MEOX2: variants seen among roughly 807,000 people sequenced by gnomAD.
The protein encoded by MEOX2 is mesenchyme homeobox 2.
In MEOX2, 11 loss-of-function variants were observed where a neutral mutation model predicts 27.0. The observed-to-expected ratio is 0.41, with a 90% CI of 0.26 to 0.68. MEOX2 has a LOEUF of 0.68. MEOX2 is among the 30% of genes least tolerant of loss of function. The pLI is 0.33. For missense variants in MEOX2, 436 were observed against 385.4 expected, an observed-to-expected ratio of 1.13 and a Z score of -1.10; for synonymous variants, 189 against 155.4, an observed-to-expected ratio of 1.22 and a Z score of -1.61.
chr7:15,674,459 C>A (rs548298219), intron 1 of MEOX2, among the ~76,000 whole-genome samples: 3 of 151,846 alleles, frequency 2.0e-5, no homozygotes, highest in African/African-American at 7.2e-5. Flanking sequence ...GGAACTCAGT[C>A]TTAAATATAA....
chr7:15,632,056 A>C lies in MEOX2; in HGVS notation c.518-5138T>G, dbSNP rs139277862. Among the ~76,000 whole-genome samples, 1,328 of 151,996 alleles carry C rather than the reference A, an allele frequency of 8.7e-3. 12 individuals carry two copies. Among genetic ancestry groups the C allele is most frequent in the Middle Eastern group, 0.027 (8 of 294 alleles). On this transcript the variant is annotated intron_variant, in intron 1 of 2. Coordinates refer to ENST00000262041, the MANE Select transcript of MEOX2 (RefSeq NM_005924.5). ...AAACACATATCTCAGAATTTATACA[A>C]AAATAAAATACTTAGGTCTCTAAAG... is the stretch of plus-strand genomic sequence containing the variant.
chr7:15,686,276 T>A lies in MEOX2; in HGVS notation c.127A>T (p.Thr43Ser). ...SDHMSYPELS[T>S]SSSSCIIAGY... is the part of the protein sequence containing the mutation. ...GCGATTATGCAAGATGAGGAAGAAGTAGAGAGCTCGGGGTAAGACATATGG... is the reference window on the plus strand; with the variant it reads ...GCGATTATGCAAGATGAGGAAGAAGAAGAGAGCTCGGGGTAAGACATATGG... The change falls in exon 1 of 3, where the codon ACT becomes TCT. Residue 43 changes from threonine to serine, a missense_variant. Physicochemically the swap from Thr to Ser is moderately conservative, Grantham distance 58 (BLOSUM62 1). Coordinates refer to ENST00000262041, the MANE Select transcript of MEOX2 (RefSeq NM_005924.5). 6.2e-7 allele frequency: 1 copy of A among 1,612,316 alleles called. No individual in the cohort carries two copies. Among genetic ancestry groups the A allele is most frequent in the Non-Finnish European group, 8.5e-7 (1 of 1,179,296 alleles).
chr7:15,659,376 C>A (rs1031083715), intron 1 of MEOX2, among the ~76,000 whole-genome samples: 1 of 151,986 alleles, frequency 6.6e-6, no homozygotes. Flanking sequence ...CTTTTGCAGT[C>A]GGGTGTGTGC....
chr7:15,648,578 T>A (rs1284492781), intron 1 of MEOX2, among the ~76,000 whole-genome samples: 1 of 151,942 alleles, frequency 6.6e-6, no homozygotes, highest in Non-Finnish European at 1.5e-5. Context: ...CATAAAACTG[T>A]CTCCACATTC....
Position 15,686,408 on chromosome 7 carries a change from G to C in MEOX2, c.-6C>G. ...CCAAAGAGCGGGTGTTCCATAGCAT[G>C]CAAGTTTCGGGTTCCAGGCAGAAGA... On this transcript the variant is annotated 5_prime_UTR_variant, in exon 1 of 3. Transcript: ENST00000262041. 1 of 1,560,568 alleles carries C rather than the reference G, an allele frequency of 6.4e-7. No individual in the cohort carries two copies. Among genetic ancestry groups the C allele is most frequent in the Non-Finnish European group, 8.7e-7 (1 of 1,151,546 alleles).
At chr7:15,685,186 G>A (rs1782357766) in intron 1 of MEOX2, among the ~76,000 whole-genome samples, 1 of 152,110 alleles carries the variant, frequency 6.6e-6, no homozygotes, top group South Asian at 2.1e-4. Context: ...ACATGGACAT[G>A]TACTATTAAG....
At chr7:15,631,754 A>T (rs1450324504) in intron 1 of MEOX2, among the ~76,000 whole-genome samples, 1 of 151,850 alleles carries the variant, frequency 6.6e-6, no homozygotes, top group African/African-American at 2.4e-5. Context: ...TATAAATGGG[A>T]AAGTATGAAG....
intron 1 of MEOX2, among the ~76,000 whole-genome samples, chr7:15,647,926 T>C (rs548775585): frequency 1.3e-5 from 2 of 152,146 alleles, no homozygotes; most frequent in African/African-American, 4.8e-5. Context: ...TTACAGACCA[T>C]GTTTTGGATC....
At chr7:15,682,415 A>G (rs1163006969) in intron 1 of MEOX2, among the ~76,000 whole-genome samples, 1 of 151,872 alleles carries the variant, frequency 6.6e-6, no homozygotes, top group Non-Finnish European at 1.5e-5. Flanking sequence ...AGTCAAGCAT[A>G]TAGACAGACA....
chr7:15,630,994 C>A (rs1446045909), intron 1 of MEOX2, among the ~76,000 whole-genome samples: 2 of 151,822 alleles, frequency 1.3e-5, no homozygotes, highest in African/African-American at 2.4e-5. Context: ...TCATAGCGAG[C>A]TACTATGATT....
chr7:15,665,289 G>GA (rs3839756), intron 1 of MEOX2, among the ~76,000 whole-genome samples: 15,867 of 151,562 alleles, frequency 0.1, 1,003 homozygotes, highest in Middle Eastern at 0.24. Context: ...CTTAAAGTAT[G>GA]AAAAAAAAGC....
At chr7:15,630,324 G>A (rs1341363928) in intron 1 of MEOX2, among the ~76,000 whole-genome samples, 1 of 152,020 alleles carries the variant, frequency 6.6e-6, no homozygotes, top group Admixed American at 6.6e-5. Flanking sequence ...CTCCACATGT[G>A]ACTTTTTATT....
intron 1 of MEOX2, among the ~76,000 whole-genome samples, chr7:15,674,586 A>G (rs1215789058): frequency 6.8e-6 from 1 of 146,658 alleles, no homozygotes. Flanking sequence ...GTGTGTGTGC[A>G]TGTTTAGAAA....
intron 2 of MEOX2, 28 bp from the exon 3 acceptor site, chr7:15,612,639 C>T (rs766835434): frequency 2.4e-5 from 38 of 1,590,928 alleles, no homozygotes; most frequent in Non-Finnish European, 3.2e-5. Flanking sequence ...AACAAACAAA[C>T]AGAAAAAAAG....
chr7:15,616,240 A>T (rs1781122184), intron 2 of MEOX2, among the ~76,000 whole-genome samples: 1 of 151,762 alleles, frequency 6.6e-6, no homozygotes, highest in South Asian at 2.1e-4. Flanking sequence ...AAATTCTGTG[A>T]TCTTAGCAAG....
chr7:15,656,642 C>A (rs536752899), intron 1 of MEOX2, among the ~76,000 whole-genome samples: 1 of 151,612 alleles, frequency 6.6e-6, no homozygotes, highest in African/African-American at 2.4e-5. Context: ...TTTATAAAAC[C>A]ATTATCTTAA....
intron 1 of MEOX2, among the ~76,000 whole-genome samples, chr7:15,666,253 G>C (rs1480546384): frequency 6.6e-6 from 1 of 152,076 alleles, no homozygotes; most frequent in African/African-American, 2.4e-5. Context: ...ACTTCCATAG[G>C]CCTAATCCTC....
chr7:15,677,563 T>G (rs1782218012), intron 1 of MEOX2: 1 of 152,224 alleles, frequency 6.6e-6, no homozygotes, highest in Non-Finnish European at 1.5e-5. Context: ...GGTTACTGGA[T>G]GATATTCGAC....
chr7:15,685,411 T>C (rs939208706), intron 1 of MEOX2, among the ~76,000 whole-genome samples: 1 of 151,696 alleles, frequency 6.6e-6, no homozygotes, highest in Non-Finnish European at 1.5e-5. Context: ...CCATTGCAAG[T>C]TCCAAACATT....
Sources: gnomAD v4.1 joint callset for allele counts (sites outside exome capture counted in the v4.1 genomes callset) on GRCh38, gnomAD v4.1.1 for gene constraint, MANE v1.5 for transcripts, NCBI Gene and HGNC (gene_info 2026-07-23, HGNC 2026-07-21) for gene names.